The following NECAB3 variants were observed in gnomAD, a reference collection of about 807,000 sequenced individuals.
The protein encoded by NECAB3 is N-terminal EF-hand calcium-binding protein 3.
A neutral mutation model predicts 57.2 loss-of-function variants in NECAB3; 38 were observed. The ratio of observed to expected loss-of-function variants is 0.66; its 90% CI spans 0.51 to 0.87. The LOEUF is 0.87. Among genes scored for constraint, NECAB3 ranks in the 40% least tolerant of loss-of-function variants. The pLI is 0.00. For synonymous variants in NECAB3, 223 were observed against 222.6 expected (o/e 1.00, Z -0.02); for missense variants, 474 against 527.5 (o/e 0.90, Z 0.99).
In NECAB3 at chr20:33,660,533, G is replaced by A. The variant is rs2017439331; in HGVS notation, c.388-138C>T. On this transcript the variant is annotated intron_variant, in intron 5 of 11. Coordinates refer to ENST00000246190, the MANE Select transcript of NECAB3 (RefSeq NM_031232.4). The surrounding 1 kb of genome is among the most constrained non-coding windows in gnomAD (Gnocchi z 4.1). ...ACGCAAACCTGGCACAGGCAGGAGGGTACTGAGACCTGATGGGCAGGGAGG... is the reference window on the plus strand; with the variant it reads ...ACGCAAACCTGGCACAGGCAGGAGGATACTGAGACCTGATGGGCAGGGAGG... 4 of 1,173,084 alleles carry A rather than the reference G, an allele frequency of 3.4e-6. No homozygotes were observed. Among genetic ancestry groups the A allele is most frequent in the African/African-American group, 3.0e-5 (2 of 65,670 alleles). The allele number at this position is 1,173,084 out of a possible 1,614,324, so 72.7% of individuals were successfully genotyped here.
chr20:33,675,223 C>T (rs1237915273), upstream of NECAB3: 1 of 153,630 alleles, frequency 6.5e-6, no homozygotes, highest in Non-Finnish European at 1.4e-5. Flanking sequence ...CATTCCAGAA[C>T]GCCTTTCCCG....
intron 5 of NECAB3, chr20:33,667,585 A>C: frequency 6.4e-7 from 1 of 1,565,640 alleles, no homozygotes; most frequent in Non-Finnish European, 8.6e-7. Context: ...GTGCCACGCC[A>C]CGCCCATCTA....
intron 5 of NECAB3, chr20:33,663,565 C>G: frequency 6.2e-7 from 1 of 1,610,778 alleles, no homozygotes; most frequent in South Asian, 1.1e-5. Flanking sequence ...CCTGGACAAG[C>G]GGCAGCCGCT....
At position 33,659,954 on chromosome 20, in the gene NECAB3, G is replaced by T; in HGVS notation, c.574C>A (p.Arg192=). The part of the protein sequence containing the change: ...EAQSRLCGSR[R]AGRRALRSVS... ...CTCCTCAGGGCTCGGCGTCCTGCCC[G>T]CCGGCTGCCGCAGAGCCTGCTCTGC... The change falls in exon 7 of 12, where the codon CGG becomes AGG. Residue 192 remains arginine (R), a synonymous_variant. Coordinates refer to ENST00000246190, the MANE Select transcript of NECAB3 (RefSeq NM_031232.4). The T allele has an allele frequency of 1.3e-6, 2 of 1,557,406 alleles. No homozygotes were observed. Among genetic ancestry groups the T allele is most frequent in the Middle Eastern group, 1.7e-4 (1 of 5,994 alleles).
In NECAB3 at chr20:33,658,738, G is replaced by A; in HGVS notation, c.976C>T (p.Gln326Ter). 1 of 1,613,754 alleles carries A rather than the reference G, an allele frequency of 6.2e-7. No individual in the cohort carries two copies. The highest frequency in any genetic ancestry group is 8.5e-7 in the Non-Finnish European group (1 of 1,179,956). Residue 326 changes from glutamine to a stop codon, truncating the protein, a stop_gained, in exon 9 of 12, where the codon CAG (glutamine) becomes TAG (stop). Coordinates refer to ENST00000246190, the MANE Select transcript of NECAB3 (RefSeq NM_031232.4). LOFTEE classifies it high-confidence loss of function. ...GGGACTCACTGCAGACAATGGCTCT[G>A]GGCCCCTGTGAAGTCCACATAGCAG... ...LRCYVDFTGA[Q>*]SHCLHVSAQK...
chr20:33,663,733 G>A (rs1335864285), intron 5 of NECAB3: 8 of 1,529,938 alleles, frequency 5.2e-6, no homozygotes, highest in Non-Finnish European at 5.2e-6. Flanking sequence ...GCCGGAAGAG[G>A]GCGGGGCCAG....
chr20:33,661,088 TATC>T (rs1382343332), intron 5 of NECAB3, among the ~76,000 whole-genome samples: 1 of 152,192 alleles, frequency 6.6e-6, no homozygotes, highest in African/African-American at 2.4e-5. Flanking sequence ...TTTCCTCATC[TATC>T]AAACAGGAAA....
At position 33,669,667 on chromosome 20, in the gene NECAB3, G is replaced by C; in HGVS notation, c.289+20C>G. The C allele has an allele frequency of 6.3e-7, 1 of 1,581,696 alleles. No homozygotes were observed. The highest frequency in any genetic ancestry group is 8.6e-7 in the Non-Finnish European group (1 of 1,165,680). On this transcript the variant is annotated intron_variant, in intron 4 of 11. Transcript: ENST00000246190. ...GGCCCAGGGGCCACAGGAGAAAAGA[G>C]CTCCCATGGGCCTACTCACCACACA...
chr20:33,663,819 C>T (rs1156475541), intron 5 of NECAB3: 2 of 1,414,114 alleles, frequency 1.4e-6, no homozygotes, highest in Admixed American at 6.7e-5. Flanking sequence ...CCGGCCCCGC[C>T]GAGGAGCAGC....
chr20:33,662,282 C>T (rs1343940383), intron 5 of NECAB3: 14 of 1,533,484 alleles, frequency 9.1e-6, no homozygotes, highest in Admixed American at 2.0e-5. Context: ...ACAATGTTGC[C>T]AGGGCCCAGG....
intron 1 of NECAB3, among the ~76,000 whole-genome samples, chr20:33,672,769 G>A (rs758948558): frequency 2.0e-4 from 31 of 152,218 alleles, no homozygotes; most frequent in Non-Finnish European, 3.7e-4. Context: ...CCAGCTTGAG[G>A]AAGGTTGAGG....
chr20:33,665,878 T>C (rs897809259), intron 5 of NECAB3, among the ~76,000 whole-genome samples: 3 of 151,842 alleles, frequency 2.0e-5, no homozygotes, highest in African/African-American at 7.3e-5. Context: ...AGGTCAGGAG[T>C]TCGAGACCAG....
At position 33,657,390 on chromosome 20, in the gene NECAB3, T is replaced by TG. The variant is rs536722383; in HGVS notation, c.*438dup. On this transcript the variant is annotated 3_prime_UTR_variant, in exon 12 of 12. Transcript: ENST00000246190. ...AGCCTCGGAGGCAAGGTTTGAGGGT[T>TG]GGGGGGTCCCTGAGCATCAGCCCTG... 2.1e-3 allele frequency: 379 copies of TG among 178,682 alleles called. 2 individuals are homozygous for TG. Among genetic ancestry groups the TG allele is most frequent in the African/African-American group, 7.6e-3 (326 of 42,792 alleles). 11.1% of individuals were successfully genotyped at this position (178,682 alleles called of 1,614,324 possible). A position where few individuals can be genotyped will look rare whatever the true frequency, so the allele number is the denominator to read the frequency against.
rs909455594 is a variant in NECAB3 at position 33,671,988 on chromosome 20, G to A, written c.154+410C>T. On this transcript the variant is annotated intron_variant, in intron 2 of 11. Transcript: ENST00000246190. The stretch of plus-strand genomic sequence containing the variant: ...GGAGCCTGGGATTAAATGCTGCAAA[G>A]ACCCAAGTTCGAGCCTATCAATTAA... 2.5e-5 allele frequency: 5 copies of A among 203,814 alleles called. No homozygotes were observed. The Admixed American group carries it at 2.8e-4, about 11-fold the overall frequency. The allele number at this position is 203,814 out of a possible 1,614,324, so 12.6% of individuals were successfully genotyped here.
intron 9 of NECAB3, 21 bp from the exon 10 acceptor site, chr20:33,658,575 G>A (rs1568890518): frequency 6.2e-7 from 1 of 1,613,550 alleles, no homozygotes; most frequent in South Asian, 1.1e-5. Context: ...AAAGAGATGG[G>A]CAGGCCAGGC....
At chr20:33,663,755 G>C (rs557872161) in intron 5 of NECAB3, 4 of 1,461,066 alleles carry the variant, frequency 2.7e-6, no homozygotes, top group Non-Finnish European at 3.6e-6. Flanking sequence ...GCAGCTCTGA[G>C]CTGGCCGCGG....
intron 5 of NECAB3, chr20:33,667,533 C>T (rs1018345364): frequency 7.1e-6 from 11 of 1,541,538 alleles, no homozygotes; most frequent in Admixed American, 1.9e-5. Context: ...TCTGCTCCAC[C>T]GGCGCGTTCA....
At chr20:33,667,627 C>T (rs1298473187) in intron 5 of NECAB3, 4 of 1,602,290 alleles carry the variant, frequency 2.5e-6, no homozygotes, top group Non-Finnish European at 2.6e-6. Context: ...GGCCACCTTC[C>T]GACTGAACGT....
intron 5 of NECAB3, chr20:33,663,784 T>G (rs1182495362): frequency 7.2e-7 from 1 of 1,397,720 alleles, no homozygotes; most frequent in Non-Finnish European, 9.2e-7. Flanking sequence ...GCGCTTCCGG[T>G]CCCCGGGGAA....
Sources: gnomAD v4.1 joint callset for allele counts (sites outside exome capture counted in the v4.1 genomes callset) on GRCh38, gnomAD v4.1.1 for gene constraint, Gnocchi (gnomAD v3.1) non-coding constraint, MANE v1.5 for transcripts, NCBI Gene and HGNC (gene_info 2026-07-23, HGNC 2026-07-21) for gene names.